TAB2: variants seen among roughly 807,000 people sequenced by gnomAD.
The protein encoded by TAB2 is TGF-beta activated kinase 1 (MAP3K7) binding protein 2, also known as TGF-beta-activated kinase 1 and MAP3K7-binding protein 2.
In TAB2, 3 loss-of-function variants were observed where a neutral mutation model predicts 65.0. The ratio of observed to expected loss-of-function variants is 0.05; its 90% CI spans 0.02 to 0.12. The LOEUF (loss-of-function observed/expected upper bound fraction) is 0.12. Among genes scored for constraint, TAB2 ranks in the 10% least tolerant of loss-of-function variants. The pLI is 1.00. For synonymous variants in TAB2, 298 were observed against 285.1 expected (o/e 1.05, Z -0.46); for missense variants, 623 against 840.3 (o/e 0.74, Z 3.20).
intron 1 of TAB2, among the ~76,000 whole-genome samples, chr6:149,348,542 T>C (rs1050433861): frequency 2.0e-5 from 3 of 151,822 alleles, no homozygotes; most frequent in Non-Finnish European, 4.4e-5. Flanking sequence ...AGTCAGTGGT[T>C]GAGCCAGAGG....
intron 2 of TAB2, among the ~76,000 whole-genome samples, chr6:149,370,377 T>C (rs1274423219): frequency 6.6e-6 from 1 of 152,196 alleles, no homozygotes; most frequent in African/African-American, 2.4e-5. Flanking sequence ...AGACATGAGC[T>C]TTCTTAACTT....
intron 3 of TAB2, among the ~76,000 whole-genome samples, chr6:149,390,511 A>T (rs1781948757): frequency 6.6e-6 from 1 of 152,248 alleles, no homozygotes; most frequent in African/African-American, 2.4e-5. Context: ...AATAACTAAA[A>T]TTAATAAAAC....
intron 1 of TAB2, among the ~76,000 whole-genome samples, chr6:149,251,114 G>A (rs1196006325): frequency 6.6e-6 from 1 of 152,176 alleles, no homozygotes; most frequent in Admixed American, 6.6e-5. Context: ...CCAAGTTAAC[G>A]CTTTCCTTTT....
intron 1 of TAB2, among the ~76,000 whole-genome samples, chr6:149,287,383 G>C (rs996449724): frequency 6.6e-6 from 1 of 151,612 alleles, no homozygotes; most frequent in African/African-American, 2.4e-5. Context: ...ATTTATGCCC[G>C]AACTAGAAAT....
chr6:149,237,665 T>C (rs1395428931), intron 1 of TAB2, among the ~76,000 whole-genome samples: 1 of 152,180 alleles, frequency 6.6e-6, no homozygotes, highest in Admixed American at 6.5e-5. Context: ...GGCTGGCAGC[T>C]ACTACTTCCT....
At chr6:149,320,530 C>G (rs1046764141) in intron 1 of TAB2, among the ~76,000 whole-genome samples, 143 of 146,666 alleles carry the variant, frequency 9.8e-4, no homozygotes, top group African/African-American at 3.4e-3. Context: ...TTTCTTTTCC[C>G]AAAATACTGT....
intron 1 of TAB2, chr6:149,342,508 A>G (rs540295422): frequency 5.6e-4 from 86 of 152,352 alleles, no homozygotes; most frequent in African/African-American, 2.0e-3. Flanking sequence ...TGGCTTAACC[A>G]AAGTAAACAG....
At chr6:149,342,348 TTTG>T (rs1276346568) in intron 1 of TAB2, among the ~76,000 whole-genome samples, 4 of 152,196 alleles carry the variant, frequency 2.6e-5, no homozygotes, top group South Asian at 2.1e-4. Flanking sequence ...AATTTTGGAT[TTTG>T]TTGTTGTTTT....
chr6:149,283,706 G>T (rs188743228), intron 1 of TAB2, among the ~76,000 whole-genome samples: 171 of 152,060 alleles, frequency 1.1e-3, no homozygotes, highest in African/African-American at 4.0e-3. Context: ...GAGAAATTCT[G>T]TCTAAAAAAC....
intron 1 of TAB2, chr6:149,255,360 G>A (rs941371017): frequency 1.3e-5 from 2 of 152,230 alleles, no homozygotes; most frequent in African/African-American, 4.8e-5. Flanking sequence ...ATAAATGTTT[G>A]TTGATTAAGG....
chr6:149,228,959 G>C (rs991764109), intron 1 of TAB2, among the ~76,000 whole-genome samples: 3 of 152,184 alleles, frequency 2.0e-5, no homozygotes, highest in African/African-American at 7.2e-5. Context: ...TCTGGAGAGA[G>C]GGCACAGTGA....
At chr6:149,351,307 A>G (rs886851545) in intron 1 of TAB2, among the ~76,000 whole-genome samples, 1 of 152,166 alleles carries the variant, frequency 6.6e-6, no homozygotes, top group African/African-American at 2.4e-5. Flanking sequence ...CCACTCCTAC[A>G]ATATTCTGCA....
At chr6:149,233,732 T>C (rs1357124348) in intron 1 of TAB2, among the ~76,000 whole-genome samples, 1 of 152,248 alleles carries the variant, frequency 6.6e-6, no homozygotes, top group African/African-American at 2.4e-5. Context: ...GGCCAGAAAC[T>C]CACCTTAATC....
intron 1 of TAB2, among the ~76,000 whole-genome samples, chr6:149,260,382 G>A (rs1230589406): frequency 6.6e-6 from 1 of 152,206 alleles, no homozygotes; most frequent in Non-Finnish European, 1.5e-5. Context: ...TTTGGAGTGG[G>A]GAGTGCGGTA....
At chr6:149,244,383 G>A (rs9498266) in intron 1 of TAB2, 40,825 of 152,232 alleles carry the variant, frequency 0.27, 6,458 homozygotes, top group Admixed American at 0.38. Flanking sequence ...GTTGTTGAGG[G>A]AAGACAAAGA....
chr6:149,234,859 A>G (rs1383132245), intron 1 of TAB2, among the ~76,000 whole-genome samples: 3 of 122,552 alleles, frequency 2.4e-5, no homozygotes, highest in Non-Finnish European at 4.9e-5. Context: ...AAGATTAGAG[A>G]GTGTGAAAAA....
chr6:149,390,644 C>A (rs1781953156), intron 3 of TAB2, among the ~76,000 whole-genome samples: 1 of 151,488 alleles, frequency 6.6e-6, no homozygotes, highest in African/African-American at 2.4e-5. Context: ...TCTGTATAAA[C>A]CATTTAGAAT....
chr6:149,329,388 G>C (rs1345718235), intron 1 of TAB2, among the ~76,000 whole-genome samples: 1 of 152,158 alleles, frequency 6.6e-6, no homozygotes, highest in Admixed American at 6.5e-5. Context: ...CATGCCCTGG[G>C]TGCATAGTTG....
intron 1 of TAB2, among the ~76,000 whole-genome samples, chr6:149,273,032 G>A (rs9322171): frequency 0.48 from 72,920 of 150,752 alleles, 19,196 homozygotes; most frequent in African/African-American, 0.7. Context: ...TTACCTCCCC[G>A]CACCCTTCGC....
Sources: allele counts gnomAD v4.1 joint callset (sites outside exome capture counted in the v4.1 genomes callset), GRCh38; gene constraint gnomAD v4.1.1; transcripts MANE v1.5; gene names NCBI Gene and HGNC (gene_info 2026-07-23, HGNC 2026-07-21).